The following MEIS2 variants were observed in gnomAD, a reference collection of about 807,000 sequenced individuals.
The protein encoded by MEIS2 is Meis homeobox 2, also known as homeobox protein Meis2.
In MEIS2, 9 loss-of-function variants were observed where a neutral mutation model predicts 58.6. The ratio of observed to expected loss-of-function variants is 0.15; its 90% CI spans 0.09 to 0.27. The LOEUF is 0.27. MEIS2 is among the 10% of genes least tolerant of loss of function. The probability of loss-of-function intolerance (pLI) is 1.00; values close to 1 mark genes in which losing one functional copy is unlikely to be tolerated. For synonymous variants in MEIS2, 221 were observed against 228.4 expected, an observed-to-expected ratio of 0.97 and a Z score of 0.29; for missense variants, 427 against 635.0, an observed-to-expected ratio of 0.67 and a Z score of 3.52.
At position 36,970,219 on chromosome 15, in the gene MEIS2, T is replaced by C. The variant is rs184438376; in HGVS notation, c.901-19819A>G. 1.3e-3 allele frequency among the ~76,000 whole-genome samples: 194 copies of C among 152,106 alleles called. 1 individual carries two copies. Among genetic ancestry groups the C allele is most frequent in the Middle Eastern group, 6.8e-3 (2 of 294 alleles). ...GAGATCCGGACCATCCTGGCTAACA[T>C]GGTGAAACCCCGTCTCTACTAAAAA... On this transcript the variant is annotated intron_variant, in intron 8 of 11. Transcript: ENST00000561208.
At chr15:37,095,929 A>T in intron 3 of MEIS2, 1 of 455,924 alleles carries the variant, frequency 2.2e-6, no homozygotes. Flanking sequence ...GACCGCTCGG[A>T]GAGGCGCCCA....
chr15:37,085,166 C>A (rs190671177), intron 6 of MEIS2, among the ~76,000 whole-genome samples: 34 of 151,842 alleles, frequency 2.2e-4, no homozygotes, highest in Admixed American at 6.6e-4. Flanking sequence ...ACTAAAAAAA[C>A]CAATCAAAAT....
At position 37,016,747 on chromosome 15, in the gene MEIS2, C is replaced by T. The variant is rs78960575; in HGVS notation, c.900+20067G>A. Among the ~76,000 whole-genome samples, 273 of 152,310 alleles carry T rather than the reference C, an allele frequency of 1.8e-3. 2 individuals are homozygous for T. Among genetic ancestry groups the T allele is most frequent in the East Asian group, 3.9e-3 (20 of 5,186 alleles). ...GCTACACATTAATTTAAAATGAAGT[C>T]TGTGTACAGCTTAGGAATCATTTTA... On this transcript the variant is annotated intron_variant, in intron 8 of 11. Transcript: ENST00000561208.
intron 8 of MEIS2, among the ~76,000 whole-genome samples, chr15:36,959,875 G>A (rs1248041919): frequency 2.0e-5 from 3 of 152,068 alleles, no homozygotes; most frequent in African/African-American, 7.2e-5. Flanking sequence ...GTTATATAAT[G>A]TCTAGACAAC....
chr15:37,044,486 A>G (rs2062578296), intron 7 of MEIS2, among the ~76,000 whole-genome samples: 2 of 152,212 alleles, frequency 1.3e-5, no homozygotes, highest in African/African-American at 4.8e-5. Flanking sequence ...ATTAAATATG[A>G]TTTTGAAGCA....
chr15:36,917,429 A>G (rs1014520063), intron 9 of MEIS2, among the ~76,000 whole-genome samples: 11 of 152,216 alleles, frequency 7.2e-5, no homozygotes, highest in Admixed American at 7.2e-4. Flanking sequence ...CTGGTGAGGA[A>G]AAAAATAAAC....
chr15:37,071,992 T>C (rs1890771346), intron 7 of MEIS2, among the ~76,000 whole-genome samples: 1 of 152,104 alleles, frequency 6.6e-6, no homozygotes, highest in African/African-American at 2.4e-5. Context: ...GTGCCTGCAC[T>C]GAGGGAGAGA....
intron 7 of MEIS2, among the ~76,000 whole-genome samples, chr15:37,058,192 T>TAA (rs1352992811): frequency 6.6e-6 from 1 of 152,084 alleles, no homozygotes; most frequent in Non-Finnish European, 1.5e-5. Flanking sequence ...TGCATGGGCT[T>TAA]AATTCCCTGC....
At chr15:36,915,350 G>A (rs113267116) in intron 9 of MEIS2, among the ~76,000 whole-genome samples, 2 of 152,176 alleles carry the variant, frequency 1.3e-5, no homozygotes, top group African/African-American at 4.8e-5. Flanking sequence ...CAGCTGGGCT[G>A]TGTGCTAGGA....
intron 8 of MEIS2, among the ~76,000 whole-genome samples, chr15:36,995,991 A>ATGTATG (rs1567159991): frequency 1.0e-4 from 5 of 50,094 alleles, no homozygotes; most frequent in East Asian, 6.7e-4. Flanking sequence ...ATATATATAT[A>ATGTATG]TATATATATA....
chr15:36,984,124 A>T (rs2060019277), intron 8 of MEIS2, among the ~76,000 whole-genome samples: 1 of 151,820 alleles, frequency 6.6e-6, no homozygotes, highest in African/African-American at 2.4e-5. Context: ...TTTTGATTTG[A>T]ATCTCTTTTA....
rs367754698 is a variant in MEIS2 at position 37,081,445 on chromosome 15, C to T, written c.754+2326G>A. Among the ~76,000 whole-genome samples the T allele has an allele frequency of 3.3e-5, 5 of 152,260 alleles. No individual in the cohort carries two copies. In the South Asian group the frequency reaches 6.2e-4, roughly 19 times the overall value. The stretch of plus-strand genomic sequence containing the variant: ...CCTGAAGCAGATAATTAATCTTTCC[C>T]ACTGAAACTACTCTGGACAATTCGG... On this transcript the variant is annotated intron_variant, in intron 7 of 11. Transcript: ENST00000561208.
In MEIS2 at chr15:37,054,274, T is replaced by G. The variant is rs548604856; in HGVS notation, c.755-17315A>C. On this transcript the variant is annotated intron_variant, in intron 7 of 11. Coordinates refer to ENST00000561208, the MANE Select transcript of MEIS2 (RefSeq NM_170675.5). Reference sequence around the variant, plus strand: ...CCTCAATTACATTCTCTTTCTGTATTGACCAGATGAAAAAGATAAAGTAGA... The same window carrying G: ...CCTCAATTACATTCTCTTTCTGTATGGACCAGATGAAAAAGATAAAGTAGA... Among the ~76,000 whole-genome samples, 614 of 152,320 alleles carry G rather than the reference T, an allele frequency of 4.0e-3. 2 individuals carry two copies. Among genetic ancestry groups the G allele is most frequent in the African/African-American group, 0.014 (571 of 41,582 alleles).
chr15:36,984,960 T>A (rs2060047487), intron 8 of MEIS2, among the ~76,000 whole-genome samples: 1 of 152,188 alleles, frequency 6.6e-6, no homozygotes, highest in Non-Finnish European at 1.5e-5. Flanking sequence ...ATAATTTTAT[T>A]TACTTGAGTC....
intron 8 of MEIS2, among the ~76,000 whole-genome samples, chr15:36,996,003 GTATATATATA>G (rs1555446467): frequency 2.5e-5 from 1 of 39,914 alleles, no homozygotes; most frequent in Admixed American, 3.2e-4. Flanking sequence ...ATATATATAT[GTATATATATA>G]TACATATGTG....
At chr15:36,953,384 G>A (rs371435735) in intron 8 of MEIS2, among the ~76,000 whole-genome samples, 143 of 152,172 alleles carry the variant, frequency 9.4e-4, no homozygotes, top group African/African-American at 3.3e-3. Context: ...AATAAACTTT[G>A]GTATGCTTGC....
At chr15:37,018,814 T>C (rs187078963) in intron 8 of MEIS2, among the ~76,000 whole-genome samples, 1 of 152,276 alleles carries the variant, frequency 6.6e-6, no homozygotes, top group East Asian at 1.9e-4. Flanking sequence ...GCACACATAA[T>C]ACAAAACTTC....
At chr15:37,060,489 C>T (rs1236122409) in intron 7 of MEIS2, among the ~76,000 whole-genome samples, 1 of 152,028 alleles carries the variant, frequency 6.6e-6, no homozygotes, top group Non-Finnish European at 1.5e-5. Flanking sequence ...AGGAAGTTAT[C>T]GTGTACCACC....
intron 7 of MEIS2, among the ~76,000 whole-genome samples, chr15:37,064,463 G>A (rs560892572): frequency 6.6e-5 from 10 of 152,102 alleles, no homozygotes; most frequent in African/African-American, 2.4e-4. Flanking sequence ...AGGACATTAT[G>A]AATAATATTA....
Sources: allele counts gnomAD v4.1 joint callset (sites outside exome capture counted in the v4.1 genomes callset), GRCh38; gene constraint gnomAD v4.1.1; transcripts MANE v1.5; gene names NCBI Gene and HGNC (gene_info 2026-07-23, HGNC 2026-07-21).